Variants in DENND11 observed in about 807,000 individuals in gnomAD.
DENND11 encodes the protein DENN domain-containing protein 11.
DENND11 carries 34 observed loss-of-function variants against 49.2 expected under a neutral mutation model. That is an observed-to-expected ratio of 0.69 (90% CI 0.53 to 0.92). DENND11 has a LOEUF of 0.92. Among genes scored for constraint, DENND11 ranks in the 40% least tolerant of loss-of-function variants. The pLI, the probability that DENND11 is intolerant of heterozygous loss-of-function variation, is 0.00. For missense variants in DENND11, 475 were observed against 581.6 expected (o/e 0.82, Z 1.88); for synonymous variants, 238 against 230.3 (o/e 1.03, Z -0.30).
chr7:141,683,334 A>T (rs1021728797), intron 3 of DENND11, among the ~76,000 whole-genome samples: 1 of 152,214 alleles, frequency 6.6e-6, no homozygotes, highest in African/African-American at 2.4e-5. Context: ...TACTGATATG[A>T]ACTAATAAAT....
At chr7:141,679,980 C>T (rs1372381151) in intron 3 of DENND11, among the ~76,000 whole-genome samples, 1 of 152,184 alleles carries the variant, frequency 6.6e-6, no homozygotes, top group African/African-American at 2.4e-5. Context: ...ATGCAAATGG[C>T]ACAACCTCTA....
intron 1 of DENND11, among the ~76,000 whole-genome samples, chr7:141,687,631 A>ACTTTTTTT (rs1554410465): frequency 2.7e-5 from 3 of 112,800 alleles, no homozygotes; most frequent in African/African-American, 9.9e-5. Flanking sequence ...CACTCGGCTA[A>ACTTTTTTT]TTTTTTTTTT....
At chr7:141,690,195 C>G (rs562755474) in intron 1 of DENND11, among the ~76,000 whole-genome samples, 15 of 152,284 alleles carry the variant, frequency 9.9e-5, no homozygotes, top group South Asian at 6.2e-4. Flanking sequence ...CAGCAGCCAG[C>G]CCTGATGATG....
At chr7:141,672,679 T>A (rs532791298) in intron 4 of DENND11, among the ~76,000 whole-genome samples, 1 of 152,226 alleles carries the variant, frequency 6.6e-6, no homozygotes, top group Non-Finnish European at 1.5e-5. Context: ...GATTCCTGAC[T>A]TACAGAAGCT....
At chr7:141,686,250 C>T (rs1395978808) in intron 2 of DENND11, among the ~76,000 whole-genome samples, 2 of 152,178 alleles carry the variant, frequency 1.3e-5, no homozygotes, top group East Asian at 3.8e-4. Context: ...TCAGTTAACT[C>T]ACACGGGGCT....
rs1332480528 is a variant in DENND11 at position 141,659,779 on chromosome 7, C to T, written c.*2877G>A. The T allele has an allele frequency of 6.6e-6, 1 of 152,304 alleles. No homozygotes were observed. The highest frequency in any genetic ancestry group is 1.5e-5 in the Non-Finnish European group (1 of 68,140). The allele number at this position is 152,304 out of a possible 1,614,324, so 9.4% of individuals were successfully genotyped here. ...GAGATGGTGGCAGAAGGTGTCACACCACAGGTATCCAACCCTCCTCCAGGA... is the reference window on the plus strand; with the variant it reads ...GAGATGGTGGCAGAAGGTGTCACACTACAGGTATCCAACCCTCCTCCAGGA... On this transcript the variant is annotated 3_prime_UTR_variant, in exon 9 of 9. Coordinates refer to ENST00000536163, the MANE Select transcript of DENND11 (RefSeq NM_001080392.2).
chr7:141,657,704 A>G lies in DENND11; in HGVS notation c.*4952T>C, dbSNP rs1010904943. On this transcript the variant is annotated 3_prime_UTR_variant, in exon 9 of 9. Transcript: ENST00000536163. The stretch of plus-strand genomic sequence containing the variant: ...ATCATATTAGCTCTAAAAGCCCCAC[A>G]GTATGCTAAAAATCGAAAATAAATT... 2 of 152,476 alleles carry G rather than the reference A, an allele frequency of 1.3e-5. No homozygotes were observed. The highest frequency in any genetic ancestry group is 4.8e-5 in the African/African-American group (2 of 41,472). The allele number at this position is 152,476 out of a possible 1,614,324, so 9.4% of individuals were successfully genotyped here.
chr7:141,661,193 G>A lies in DENND11; in HGVS notation c.*1463C>T, dbSNP rs1287969369. On this transcript the variant is annotated 3_prime_UTR_variant, in exon 9 of 9. Transcript: ENST00000536163. ...TGGTCACAGACATGGATGCACTGACGGCTATTCCCATAACCGAGCCAGGCG... is the reference window on the plus strand; with the variant it reads ...TGGTCACAGACATGGATGCACTGACAGCTATTCCCATAACCGAGCCAGGCG... 4 of 152,166 alleles carry A rather than the reference G, an allele frequency of 2.6e-5. No homozygotes were observed. The highest frequency in any genetic ancestry group is 2.1e-4 in the South Asian group (1 of 4,824). The allele number at this position is 152,166 out of a possible 1,614,324, so 9.4% of individuals were successfully genotyped here. A position where few individuals can be genotyped will look rare whatever the true frequency, so the allele number is the denominator to read the frequency against.
intron 5 of DENND11, 77 bp downstream of exon 5, chr7:141,666,210 T>TG: frequency 6.8e-7 from 1 of 1,462,548 alleles, no homozygotes; most frequent in Non-Finnish European, 9.2e-7. Flanking sequence ...CTTCCAAACT[T>TG]GGTCAGTGAC....
At chr7:141,679,381 C>G (rs754945096) in intron 3 of DENND11, among the ~76,000 whole-genome samples, 1 of 151,850 alleles carries the variant, frequency 6.6e-6, no homozygotes, top group Non-Finnish European at 1.5e-5. Flanking sequence ...TACAAAGAAA[C>G]AAAGAAAAAA....
Position 141,665,066 on chromosome 7 carries a change from G to C in DENND11, c.953-12C>G. 2 of 1,612,930 alleles carry C rather than the reference G, an allele frequency of 1.2e-6. No individual in the cohort carries two copies. Among genetic ancestry groups the C allele is most frequent in the South Asian group, 1.1e-5 (1 of 91,022 alleles). On this transcript the variant is annotated splice_polypyrimidine_tract_variant and intron_variant, in intron 6 of 8. Coordinates refer to ENST00000536163, the MANE Select transcript of DENND11 (RefSeq NM_001080392.2). ...CTTCTCTGTGGTGCCTGTGGAACCC[G>C]GGGTTAGAGAGGTGGGAACCCACCC...
intron 1 of DENND11, among the ~76,000 whole-genome samples, chr7:141,691,908 T>A (rs1217567823): frequency 1.3e-5 from 2 of 151,488 alleles, no homozygotes; most frequent in Non-Finnish European, 2.9e-5. Context: ...AATGGGTATT[T>A]AAAAAAAAAC....
At chr7:141,692,864 T>A (rs1798348727) in intron 1 of DENND11, among the ~76,000 whole-genome samples, 1 of 152,042 alleles carries the variant, frequency 6.6e-6, no homozygotes, top group Admixed American at 6.6e-5. Flanking sequence ...AATAATTTTT[T>A]AAAATATGTA....
chr7:141,664,462 GGATGAT>G lies in DENND11; in HGVS notation c.1104-228_1104-223del, dbSNP rs199913211. 5.3e-5 allele frequency among the ~76,000 whole-genome samples: 8 copies of G among 152,128 alleles called. No individual in the cohort carries two copies. The East Asian group carries it at 1.5e-3, about 29-fold the overall frequency. On this transcript the variant is annotated intron_variant, in intron 7 of 8. Coordinates refer to ENST00000536163, the MANE Select transcript of DENND11 (RefSeq NM_001080392.2). Reference sequence around the variant, plus strand: ...AATCTCCTAGTTGTCTATCAGAAGGGGATGATGATGATGATGATACTTATTTCACAG... The same window carrying G: ...AATCTCCTAGTTGTCTATCAGAAGGGGATGATGATGATACTTATTTCACAG...
At chr7:141,684,881 A>G (rs1395464297) in intron 3 of DENND11, among the ~76,000 whole-genome samples, 2 of 151,524 alleles carry the variant, frequency 1.3e-5, no homozygotes, top group Non-Finnish European at 2.9e-5. Flanking sequence ...TCTGTTAAAA[A>G]TTCTCTTCCT....
intron 1 of DENND11, among the ~76,000 whole-genome samples, chr7:141,689,608 T>G (rs1226402487): frequency 6.6e-6 from 1 of 152,152 alleles, no homozygotes; most frequent in Non-Finnish European, 1.5e-5. Flanking sequence ...GAACTTAAAC[T>G]TTTAAAAAAA....
rs1441775167 is a variant in DENND11, at chr7:141,665,063, C to T, written c.953-9G>A. 6.2e-7 allele frequency: 1 copy of T among 1,613,320 alleles called. No homozygotes were observed. Among genetic ancestry groups the T allele is most frequent in the African/African-American group, 1.3e-5 (1 of 75,024 alleles). Reference sequence around the variant, plus strand: ...TATCTTCTCTGTGGTGCCTGTGGAACCCGGGGTTAGAGAGGTGGGAACCCA... The same window carrying T: ...TATCTTCTCTGTGGTGCCTGTGGAATCCGGGGTTAGAGAGGTGGGAACCCA... On this transcript the variant is annotated splice_polypyrimidine_tract_variant and intron_variant, in intron 6 of 8. Transcript: ENST00000536163.
chr7:141,670,658 G>C (rs533712760), intron 4 of DENND11, among the ~76,000 whole-genome samples: 6 of 152,296 alleles, frequency 3.9e-5, no homozygotes, highest in Non-Finnish European at 8.8e-5. Context: ...ATGGGATTAT[G>C]GCTTCTACTG....
At position 141,657,554 on chromosome 7, in the gene DENND11, C is replaced by T. The variant is rs1797716900; in HGVS notation, c.*5102G>A. On this transcript the variant is annotated 3_prime_UTR_variant, in exon 9 of 9. Coordinates refer to ENST00000536163, the MANE Select transcript of DENND11 (RefSeq NM_001080392.2). ...GCTCATTTAAAACATCCTGCCTCAT[C>T]CCCACATTCGCTGACTGGCCTTAGA... 6.6e-6 allele frequency: 1 copy of T among 152,456 alleles called. No individual in the cohort carries two copies. The highest frequency in any genetic ancestry group is 2.4e-5 in the African/African-American group (1 of 41,434). The allele number at this position is 152,456 out of a possible 1,614,324, so 9.4% of individuals were successfully genotyped here.
Sources: gnomAD v4.1 joint callset for allele counts (sites outside exome capture counted in the v4.1 genomes callset) on GRCh38, gnomAD v4.1.1 for gene constraint, MANE v1.5 for transcripts, NCBI Gene and HGNC (gene_info 2026-07-23, HGNC 2026-07-21) for gene names.